FMN2: variants seen among roughly 807,000 people sequenced by gnomAD.
FMN2 encodes formin-2.
Under a neutral mutation model 142.3 loss-of-function variants are expected in FMN2, and 51 were observed. The observed-to-expected ratio is 0.36, with a 90% confidence interval of 0.29 to 0.45. The LOEUF (loss-of-function observed/expected upper bound fraction) is 0.45, where lower values mean the gene tolerates loss of function less well. Among genes scored for constraint, FMN2 ranks in the 20% least tolerant of loss-of-function variants. The pLI, the probability that FMN2 is intolerant of heterozygous loss-of-function variation, is 1.00. For missense variants in FMN2, 1,936 were observed against 2,122.8 expected, an observed-to-expected ratio of 0.91 and a Z score of 1.73; for synonymous variants, 882 against 869.8, an observed-to-expected ratio of 1.01 and a Z score of -0.25.
chr1:240,301,842 T>C (rs1670210692), intron 8 of FMN2, among the ~76,000 whole-genome samples: 1 of 152,034 alleles, frequency 6.6e-6, no homozygotes, highest in Non-Finnish European at 1.5e-5. Flanking sequence ...TAAGTAGGCA[T>C]GGTTTTCTTG....
At chr1:240,103,656 T>C (rs1323125711) in intron 1 of FMN2, among the ~76,000 whole-genome samples, 1 of 152,128 alleles carries the variant, frequency 6.6e-6, no homozygotes, top group Non-Finnish European at 1.5e-5. Flanking sequence ...CCATTATCTC[T>C]ACCCTTCCTA....
chr1:240,271,567 TA>T (rs1280722990), intron 7 of FMN2, among the ~76,000 whole-genome samples: 1 of 152,014 alleles, frequency 6.6e-6, no homozygotes, highest in Non-Finnish European at 1.5e-5. Context: ...ATTGAGACAT[TA>T]AAAATGTACT....
intron 14 of FMN2, among the ~76,000 whole-genome samples, chr1:240,361,166 T>A (rs79232758): frequency 2.5e-5 from 1 of 40,304 alleles, no homozygotes; most frequent in African/African-American, 1.2e-4. Flanking sequence ...TATATATATA[T>A]ATATATATAT....
chr1:240,452,028 A>G (rs1676067918), intron 16 of FMN2, among the ~76,000 whole-genome samples: 1 of 151,932 alleles, frequency 6.6e-6, no homozygotes, highest in Non-Finnish European at 1.5e-5. Context: ...CGTCTCTACT[A>G]AAAATACAAA....
intron 7 of FMN2, among the ~76,000 whole-genome samples, chr1:240,280,765 G>A (rs774740198): frequency 6.6e-5 from 10 of 152,044 alleles, no homozygotes; most frequent in Admixed American, 2.6e-4. Context: ...GAATATACCC[G>A]TCTTTTTTCT....
At chr1:240,189,464 AAAATT>A (rs1665617340) in intron 4 of FMN2, among the ~76,000 whole-genome samples, 2 of 152,360 alleles carry the variant, frequency 1.3e-5, no homozygotes, top group South Asian at 4.1e-4. Context: ...TCTTCTCTGT[AAAATT>A]AAATTATTGC....
At chr1:240,387,788 C>A (rs1354977690) in intron 14 of FMN2, among the ~76,000 whole-genome samples, 2 of 152,128 alleles carry the variant, frequency 1.3e-5, no homozygotes, top group African/African-American at 4.8e-5. Flanking sequence ...CAATGCATCT[C>A]CATCCTACTT....
chr1:240,442,404 G>A (rs961028080), intron 16 of FMN2, among the ~76,000 whole-genome samples: 2 of 152,380 alleles, frequency 1.3e-5, no homozygotes, highest in Non-Finnish European at 2.9e-5. Context: ...TGAAGCAAGA[G>A]AAGAGTGTTA....
At chr1:240,371,962 A>G (rs1672884413) in intron 14 of FMN2, among the ~76,000 whole-genome samples, 1 of 152,182 alleles carries the variant, frequency 6.6e-6, no homozygotes, top group Non-Finnish European at 1.5e-5. Context: ...TCAGCTGGGC[A>G]TGGTGGCTCA....
At position 240,257,942 on chromosome 1, in the gene FMN2, C is replaced by A; in HGVS notation, c.4066-3C>A. The A allele has an allele frequency of 1.2e-6, 2 of 1,611,218 alleles. No homozygotes were observed. Among genetic ancestry groups the A allele is most frequent in the Non-Finnish European group, 1.7e-6 (2 of 1,178,662 alleles). On this transcript the variant is annotated splice_polypyrimidine_tract_variant and splice_region_variant and intron_variant, in intron 6 of 17. Coordinates refer to ENST00000319653, the MANE Select transcript of FMN2 (RefSeq NM_020066.5). The stretch of plus-strand genomic sequence containing the variant: ...TTCCCCTTTTACTTTCTTTCTCGAG[C>A]AGGTTGTCAAGTTATTAAGCAACAA...
chr1:240,093,755 C>T, intron 1 of FMN2, 31 bp downstream of exon 1: 2 of 1,287,218 alleles, frequency 1.6e-6, no homozygotes, highest in Non-Finnish European at 2.0e-6. Flanking sequence ...GCCTCCGGGT[C>T]TCAAGTCGCC....
chr1:240,241,109 CTG>C (rs796231841), intron 6 of FMN2, among the ~76,000 whole-genome samples: 7 of 152,238 alleles, frequency 4.6e-5, no homozygotes, highest in East Asian at 1.9e-4. Flanking sequence ...TTTAAACAAA[CTG>C]TGAAATTTAG....
chr1:240,442,857 C>G (rs571993433), intron 16 of FMN2, among the ~76,000 whole-genome samples: 25 of 152,314 alleles, frequency 1.6e-4, no homozygotes, highest in African/African-American at 6.0e-4. Context: ...TTTTTAAGCT[C>G]TGCCACTTAC....
intron 15 of FMN2, among the ~76,000 whole-genome samples, chr1:240,407,504 C>T (rs1472042000): frequency 4.6e-5 from 7 of 152,090 alleles, no homozygotes; most frequent in Non-Finnish European, 8.8e-5. Context: ...ATTCCAGCAC[C>T]GTTGAAGTCC....
chr1:240,400,752 A>C (rs1331727492), intron 15 of FMN2: 1 of 152,152 alleles, frequency 6.6e-6, no homozygotes, highest in Non-Finnish European at 1.5e-5. Context: ...TTTTTTATGG[A>C]GTTCTTCTTT....
intron 1 of FMN2, among the ~76,000 whole-genome samples, chr1:240,097,920 C>T (rs974514223): frequency 2.6e-5 from 4 of 151,910 alleles, no homozygotes; most frequent in African/African-American, 9.7e-5. Flanking sequence ...GGGCATTAAG[C>T]TAGTAAGTGG....
In FMN2 at chr1:240,428,391, C is replaced by A. The variant is rs968145241; in HGVS notation, c.4911-9670C>A. On this transcript the variant is annotated intron_variant, in intron 15 of 17. Transcript: ENST00000319653. ...GGCAGGTGCACACCACCACACCTGG[C>A]AAATTTTGTATTTTGTGTAGAGATG... Among the ~76,000 whole-genome samples the A allele has an allele frequency of 1.5e-4, 22 of 145,548 alleles. 1 individual carries two copies. The highest frequency in any genetic ancestry group is 4.9e-5 in the African/African-American group (2 of 40,520).
rs115154196 is a variant in FMN2, at chr1:240,423,059, A to G, written c.4911-15002A>G. The stretch of plus-strand genomic sequence containing the variant: ...TTCAAGATAAAAGAAATGCCAGTTT[A>G]TCCTCTTACCATTCTGAATTCCTCT... On this transcript the variant is annotated intron_variant, in intron 15 of 17. Coordinates refer to ENST00000319653, the MANE Select transcript of FMN2 (RefSeq NM_020066.5). Among the ~76,000 whole-genome samples, 777 of 152,330 alleles carry G rather than the reference A, an allele frequency of 5.1e-3. 6 individuals are homozygous for G. Among genetic ancestry groups the G allele is most frequent in the African/African-American group, 0.018 (746 of 41,566 alleles).
At position 240,257,973 on chromosome 1, in the gene FMN2, C is replaced by G; in HGVS notation, c.4094C>G (p.Ser1365Ter). 6.2e-7 allele frequency: 1 copy of G among 1,612,698 alleles called. No homozygotes were observed. Among genetic ancestry groups the G allele is most frequent in the South Asian group, 1.1e-5 (1 of 90,666 alleles). The change falls in exon 7 of 18, where the codon TCA becomes TGA. Residue 1365 changes from serine (S) to a stop codon, truncating the protein, a stop_gained. Coordinates refer to ENST00000319653, the MANE Select transcript of FMN2 (RefSeq NM_020066.5). LOFTEE classifies it high-confidence loss of function. ...GTCAAGTTATTAAGCAACAAAAGAT[C>G]ACAAGCAGTTGGAATACTAATGTCT... ...QVVKLLSNKRSQAVGILMSSL... is the reference protein window; with the variant it reads ...QVVKLLSNKR
Sources: allele counts gnomAD v4.1 joint callset (sites outside exome capture counted in the v4.1 genomes callset), GRCh38; gene constraint gnomAD v4.1.1; transcripts MANE v1.5; gene names NCBI Gene and HGNC (gene_info 2026-07-23, HGNC 2026-07-21).